Variants in ARMC8 observed in about 807,000 individuals in gnomAD.
The protein encoded by ARMC8 is armadillo repeat containing 8, also known as armadillo repeat-containing protein 8.
Under a neutral mutation model 99.3 loss-of-function variants are expected in ARMC8, and 20 were observed. The ratio of observed to expected loss-of-function variants is 0.20; its 90% CI spans 0.14 to 0.29. ARMC8 has a LOEUF of 0.29. Among genes scored for constraint, ARMC8 ranks in the 10% least tolerant of loss-of-function variants. ARMC8 has a pLI of 1.00. For missense variants in ARMC8, 569 were observed against 809.5 expected, an observed-to-expected ratio of 0.70 and a Z score of 3.60; for synonymous variants, 263 against 278.3, an observed-to-expected ratio of 0.95 and a Z score of 0.55.
intron 1 of ARMC8, among the ~76,000 whole-genome samples, chr3:138,191,944 C>T (rs886537045): frequency 6.6e-5 from 10 of 152,314 alleles, no homozygotes; most frequent in Middle Eastern, 3.4e-3. Flanking sequence ...GCTATTATAA[C>T]GTAGTATGAA....
At chr3:138,220,481 G>T (rs560831975) in intron 2 of ARMC8, among the ~76,000 whole-genome samples, 1 of 152,176 alleles carries the variant, frequency 6.6e-6, no homozygotes. Context: ...GGCATTCTCA[G>T]TATTTGGCTT....
At position 138,272,981 on chromosome 3, in the gene ARMC8, G is replaced by A. The variant is rs1297759161; in HGVS notation, c.1494G>A (p.Gln498=). ...GIWALMNMAF[Q]AEQKIKADIL... is the part of the protein sequence containing the mutation. Reference sequence around the variant, plus strand: ...AATCCTTTCAGAATATGGCATTTCAGGCTGAACAAAAAATAAAAGCAGATA... The same window carrying A: ...AATCCTTTCAGAATATGGCATTTCAAGCTGAACAAAAAATAAAAGCAGATA... The change falls in exon 17 of 22, where the codon CAG becomes CAA. Residue 498 remains glutamine (Q), a synonymous_variant. Transcript: ENST00000469044. 6.2e-7 allele frequency: 1 copy of A among 1,602,596 alleles called. No individual in the cohort carries two copies. The highest frequency in any genetic ancestry group is 2.2e-5 in the East Asian group (1 of 44,644).
chr3:138,272,181 G>A (rs573399749), intron 16 of ARMC8, among the ~76,000 whole-genome samples: 10 of 152,296 alleles, frequency 6.6e-5, no homozygotes, highest in African/African-American at 2.4e-4. Context: ...ATACAGCCCA[G>A]CCATGCCAAC....
intron 12 of ARMC8, among the ~76,000 whole-genome samples, chr3:138,257,248 T>C (rs1025066243): frequency 3.9e-5 from 6 of 152,306 alleles, no homozygotes; most frequent in Non-Finnish European, 8.8e-5. Context: ...TGTTGGAGAT[T>C]TTGGATTTGG....
At chr3:138,261,284 G>T (rs1044608239) in intron 12 of ARMC8, among the ~76,000 whole-genome samples, 10 of 152,340 alleles carry the variant, frequency 6.6e-5, no homozygotes, top group African/African-American at 2.4e-4. Context: ...TGTGGTAAGG[G>T]AGGAAGAGTT....
intron 1 of ARMC8, among the ~76,000 whole-genome samples, chr3:138,200,904 CTTTTTTTTTTTTTTTT>C (rs34087212): frequency 1.1e-4 from 7 of 63,350 alleles, no homozygotes; most frequent in African/African-American, 1.8e-4. Context: ...CTTCAGTGGG[CTTTTTTTTTTTTTTTT>C]TTTTTTTTTT....
intron 16 of ARMC8, among the ~76,000 whole-genome samples, chr3:138,272,469 G>A (rs2048885947): frequency 6.6e-6 from 1 of 151,784 alleles, no homozygotes; most frequent in African/African-American, 2.4e-5. Context: ...GTATATCTAA[G>A]AGTAACAGTT....
At chr3:138,273,181 T>G (rs1043040943) in intron 17 of ARMC8, 65 bp downstream of exon 17, 3 of 1,472,726 alleles carry the variant, frequency 2.0e-6, no homozygotes, top group African/African-American at 2.8e-5. Context: ...GACATTGCTC[T>G]CTCTCTGTGC....
chr3:138,247,998 A>G (rs1396267553), intron 12 of ARMC8, among the ~76,000 whole-genome samples: 4 of 152,230 alleles, frequency 2.6e-5, no homozygotes, highest in Admixed American at 2.6e-4. Context: ...TTTATCCTGC[A>G]TGGAGCAAAA....
Position 138,289,086 on chromosome 3 carries a change from T to G in ARMC8, c.1860T>G (p.Phe620Leu). The change falls in exon 20 of 22, where the codon TTT becomes TTG. Residue 620 changes from phenylalanine (F) to leucine (L), a missense_variant. Around this residue, in one of 2 missense-constraint regions of ARMC8, gnomAD observed 227 missense variants for 417.9 expected, o/e 0.54. Transcript: ENST00000469044. Reference protein sequence around the residue: ...SHVKLQLAAMFCISNLIWNEE... With the variant: ...SHVKLQLAAMLCISNLIWNEE... ...TTAAACTGCAGCTTGCAGCCATGTT[T>G]TGTATATCAAACCTCATATGGAATG... The G allele has an allele frequency of 6.2e-7, 1 of 1,613,564 alleles. No individual in the cohort carries two copies. The highest frequency in any genetic ancestry group is 8.5e-7 in the Non-Finnish European group (1 of 1,179,690).
In ARMC8 at chr3:138,243,400, C is replaced by T. The variant is rs75087875; in HGVS notation, c.1038+1417C>T. On this transcript the variant is annotated intron_variant, in intron 11 of 21. Coordinates refer to ENST00000469044, the MANE Select transcript of ARMC8 (RefSeq NM_001363941.2). ...ACCCGAAAAGTATAGACACTAGACCCGTAAAGAGAAATCTTCACATGTTAA... is the reference window on the plus strand; with the variant it reads ...ACCCGAAAAGTATAGACACTAGACCTGTAAAGAGAAATCTTCACATGTTAA... 2.7e-3 allele frequency among the ~76,000 whole-genome samples: 415 copies of T among 152,084 alleles called. 1 individual carries two copies. The highest frequency in any genetic ancestry group is 3.8e-3 in the Non-Finnish European group (259 of 67,966).
intron 6 of ARMC8, among the ~76,000 whole-genome samples, chr3:138,232,915 TCTG>T (rs2046131227): frequency 6.6e-6 from 1 of 152,212 alleles, no homozygotes; most frequent in Admixed American, 6.5e-5. Context: ...TTTGCTAAGC[TCTG>T]CCAGTGTCTA....
chr3:138,198,493 T>TTTATTATTATTA (rs139933871), intron 1 of ARMC8, among the ~76,000 whole-genome samples: 5 of 146,426 alleles, frequency 3.4e-5, no homozygotes, highest in African/African-American at 1.3e-4. Flanking sequence ...TTGTATATTC[T>TTTATTATTATTA]TTATTATTAT....
chr3:138,234,724 G>T (rs1323665457), intron 6 of ARMC8, among the ~76,000 whole-genome samples: 1 of 152,158 alleles, frequency 6.6e-6, no homozygotes, highest in Admixed American at 6.5e-5. Context: ...TTTAATAATT[G>T]CAGAGGACTT....
Position 138,221,965 on chromosome 3 carries a change from A to G in ARMC8, c.162A>G (p.Lys54=), listed in dbSNP as rs1383196118. The part of the protein sequence containing the change: ...KNAVIGNNKQ[K]ANLIVLGAVP... Reference sequence around the variant, plus strand: ...CTGTAATTGGAAACAACAAGCAGAAAGCCAATCTCATTGTTTTAGGAGCTG... The same window carrying G: ...CTGTAATTGGAAACAACAAGCAGAAGGCCAATCTCATTGTTTTAGGAGCTG... Residue 54 remains lysine (K), a synonymous_variant, in exon 3 of 22, where the codon AAA becomes AAG. Coordinates refer to ENST00000469044, the MANE Select transcript of ARMC8 (RefSeq NM_001363941.2). The G allele has an allele frequency of 2.5e-6, 4 of 1,613,762 alleles. No homozygotes were observed. The highest frequency in any genetic ancestry group is 3.4e-6 in the Non-Finnish European group (4 of 1,179,766).
chr3:138,275,554 G>A (rs1029541781), intron 18 of ARMC8, among the ~76,000 whole-genome samples: 5 of 151,136 alleles, frequency 3.3e-5, no homozygotes, highest in African/African-American at 1.2e-4. Flanking sequence ...GCGAGACTCT[G>A]TCTCAAAAAA....
In ARMC8 at chr3:138,267,187, G is replaced by T; in HGVS notation, c.1332G>T (p.Val444=). The T allele has an allele frequency of 1.3e-6, 2 of 1,580,268 alleles. No homozygotes were observed. The highest frequency in any genetic ancestry group is 4.5e-5 in the East Asian group (2 of 44,330). The part of the protein sequence containing the change: ...VLQNAPDEIL[V]VASSMLCNLL... ...AAAATGCACCAGATGAAATCCTAGTGGTAGCATCTTCCATGCTGTGTAATC... is the reference window on the plus strand; with the variant it reads ...AAAATGCACCAGATGAAATCCTAGTTGTAGCATCTTCCATGCTGTGTAATC... The change falls in exon 15 of 22, where the codon GTG becomes GTT. Residue 444 remains valine (V), a synonymous_variant. Coordinates refer to ENST00000469044, the MANE Select transcript of ARMC8 (RefSeq NM_001363941.2).
chr3:138,200,531 G>A (rs2043994595), intron 1 of ARMC8, among the ~76,000 whole-genome samples: 1 of 152,172 alleles, frequency 6.6e-6, no homozygotes, highest in Admixed American at 6.5e-5. Flanking sequence ...GTTGGGGGAT[G>A]TGTGCCTATT....
chr3:138,188,606 T>C, intron 1 of ARMC8: 3 of 1,579,364 alleles, frequency 1.9e-6, no homozygotes, highest in East Asian at 2.2e-5. Flanking sequence ...TTTAGACTTG[T>C]GGAAGCCAGT....
Sources: allele counts gnomAD v4.1 joint callset (sites outside exome capture counted in the v4.1 genomes callset), GRCh38; gene constraint gnomAD v4.1.1; regional missense constraint gnomAD v4.1.1; transcripts MANE v1.5; gene names NCBI Gene and HGNC (gene_info 2026-07-23, HGNC 2026-07-21).